PDZRN3: variants seen among roughly 807,000 people sequenced by gnomAD.
PDZRN3 encodes the protein E3 ubiquitin-protein ligase PDZRN3.
A neutral mutation model predicts 85.7 loss-of-function variants in PDZRN3; 38 were observed. That is an observed-to-expected ratio of 0.44 (90% CI 0.34 to 0.58). The LOEUF is 0.58. Ranked by LOEUF, PDZRN3 falls within the 20% of genes least tolerant of loss-of-function variation. The pLI is 0.01. For synonymous variants in PDZRN3, 759 were observed against 638.0 expected, an observed-to-expected ratio of 1.19 and a Z score of -2.86; for missense variants, 1,629 against 1,506.4, an observed-to-expected ratio of 1.08 and a Z score of -1.35.
At chr3:73,424,864 G>A (rs1183735637) in intron 3 of PDZRN3, among the ~76,000 whole-genome samples, 4 of 152,146 alleles carry the variant, frequency 2.6e-5, no homozygotes, top group Non-Finnish European at 5.9e-5. Context: ...GGAAAACTAA[G>A]AAGTCAGACA....
In PDZRN3 at chr3:73,602,544, ATTGACTC is replaced by A. The variant is rs1337246197; in HGVS notation, c.811-90_811-84del. The A allele has an allele frequency of 8.1e-6, 6 of 740,232 alleles. No individual in the cohort carries two copies. The East Asian group carries it at 1.5e-4, about 18-fold the overall frequency. 45.9% of individuals were successfully genotyped at this position (740,232 alleles called of 1,614,324 possible). A position where few individuals can be genotyped will look rare whatever the true frequency, so the allele number is the denominator to read the frequency against. ...TAAAGCTTGCACTCTTAAAACAGTAATTGACTCTTGCTGTGTCAAGAGTGGCAATAGG... is the reference window on the plus strand; with the variant it reads ...TAAAGCTTGCACTCTTAAAACAGTAATTGCTGTGTCAAGAGTGGCAATAGG... On this transcript the variant is annotated intron_variant, in intron 2 of 9. Transcript: ENST00000263666.
chr3:73,421,924 G>A (rs1575641836), intron 3 of PDZRN3, among the ~76,000 whole-genome samples: 1 of 152,206 alleles, frequency 6.6e-6, no homozygotes, highest in African/African-American at 2.4e-5. Context: ...TGGGATTACA[G>A]GCGTGAGCCA....
At chr3:73,435,791 A>G (rs1017810846) in intron 3 of PDZRN3, among the ~76,000 whole-genome samples, 2 of 152,104 alleles carry the variant, frequency 1.3e-5, no homozygotes, top group African/African-American at 4.8e-5. Context: ...CACAGTTGCC[A>G]GGCTGGTCTT....
At chr3:73,463,057 G>A (rs1168484877) in intron 3 of PDZRN3, among the ~76,000 whole-genome samples, 1 of 152,146 alleles carries the variant, frequency 6.6e-6, no homozygotes, top group East Asian at 1.9e-4. Context: ...GAGATGCTAG[G>A]ACAAAGTGTT....
At position 73,385,750 on chromosome 3, in the gene PDZRN3, G is replaced by C. The variant is rs1701365969; in HGVS notation, c.1554C>G (p.Asp518Glu). ...TGTCCATGTGCAGGTCATCCAGAAA[G>C]TCGTTCCTGTCATCATCCATCCAGC... ...DEGWMDDDRN[D>E]FLDDLHMDML... Residue 518 changes from aspartate to glutamate, a missense_variant, in exon 9 of 10, where the codon GAC becomes GAG. By Grantham distance (45) the Asp-to-Glu change is conservative. Coordinates refer to ENST00000263666, the MANE Select transcript of PDZRN3 (RefSeq NM_015009.3). 6.2e-7 allele frequency: 1 copy of C among 1,613,768 alleles called. No individual in the cohort carries two copies. The highest frequency in any genetic ancestry group is 8.5e-7 in the Non-Finnish European group (1 of 1,179,674).
intron 3 of PDZRN3, among the ~76,000 whole-genome samples, chr3:73,572,715 A>C (rs2106853618): frequency 6.6e-6 from 1 of 152,340 alleles, no homozygotes; most frequent in South Asian, 2.1e-4. Context: ...TACTCAGAGA[A>C]ATAATTACAT....
chr3:73,497,554 T>C (rs1703888976), intron 3 of PDZRN3, among the ~76,000 whole-genome samples: 1 of 152,226 alleles, frequency 6.6e-6, no homozygotes, highest in Admixed American at 6.5e-5. Flanking sequence ...GAATTAAAGG[T>C]GATTATTGCC....
intron 3 of PDZRN3, among the ~76,000 whole-genome samples, chr3:73,556,012 G>T (rs1701687025): frequency 6.6e-6 from 1 of 152,132 alleles, no homozygotes; most frequent in African/African-American, 2.4e-5. Flanking sequence ...ATTCATAAGA[G>T]AAAATTCCTA....
At chr3:73,423,461 C>A (rs1241689655) in intron 3 of PDZRN3, among the ~76,000 whole-genome samples, 1 of 152,204 alleles carries the variant, frequency 6.6e-6, no homozygotes, top group South Asian at 2.1e-4. Context: ...TGGTTTAGTG[C>A]TGTGAATAGT....
chr3:73,495,087 C>T lies in PDZRN3; in HGVS notation c.919-90692G>A, dbSNP rs115494239. On this transcript the variant is annotated intron_variant, in intron 3 of 9. Transcript: ENST00000263666. Reference sequence around the variant, plus strand: ...GGGGTATTACTCACTATGTGGGTGACGGGATCAAGCATACCCCAAACCTCA... The same window carrying T: ...GGGGTATTACTCACTATGTGGGTGATGGGATCAAGCATACCCCAAACCTCA... Among the ~76,000 whole-genome samples the T allele has an allele frequency of 1.5e-3, 228 of 152,230 alleles. 2 individuals carry two copies. The highest frequency in any genetic ancestry group is 2.8e-3 in the Admixed American group (43 of 15,278).
At chr3:73,477,441 A>G (rs1325953801) in intron 3 of PDZRN3, among the ~76,000 whole-genome samples, 2 of 152,218 alleles carry the variant, frequency 1.3e-5, no homozygotes, top group African/African-American at 2.4e-5. Flanking sequence ...AGTGAGACAG[A>G]TAATTCCTGG....
At chr3:73,588,074 T>A (rs1170100205) in intron 3 of PDZRN3, among the ~76,000 whole-genome samples, 6 of 152,164 alleles carry the variant, frequency 3.9e-5, no homozygotes, top group African/African-American at 1.4e-4. Context: ...GTCCTCTAAG[T>A]TCCCTCCCCT....
chr3:73,401,200 G>C, intron 4 of PDZRN3, 191 bp from the exon 5 acceptor site: 1 of 536,418 alleles, frequency 1.9e-6, no homozygotes, highest in Non-Finnish European at 3.4e-6. Context: ...TTTGCCTTTA[G>C]TACATTTCCT....
intron 3 of PDZRN3, among the ~76,000 whole-genome samples, chr3:73,590,591 A>C (rs1018778286): frequency 1.3e-5 from 2 of 152,184 alleles, no homozygotes; most frequent in African/African-American, 4.8e-5. Flanking sequence ...TCTTTTTTCT[A>C]GTTTTCAAAT....
At chr3:73,404,060 C>T in intron 4 of PDZRN3, 88 bp downstream of exon 4, 1 of 1,277,048 alleles carries the variant, frequency 7.8e-7, no homozygotes, top group Non-Finnish European at 1.1e-6. Context: ...CTATAGGGTG[C>T]ATTAATTTTT....
Position 73,527,317 on chromosome 3 carries a change from C to A in PDZRN3, c.918+75037G>T, listed in dbSNP as rs556906133. ...CCTATCCTCCGCATAGGATATGAAC[C>A]AGTAAATGGTTTTTAAGGCCACAAG... On this transcript the variant is annotated intron_variant, in intron 3 of 9. Transcript: ENST00000263666. 2.0e-5 allele frequency among the ~76,000 whole-genome samples: 3 copies of A among 152,026 alleles called. No homozygotes were observed. In the South Asian group the frequency reaches 6.2e-4, roughly 32 times the overall value.
chr3:73,438,396 T>C (rs1299034482), intron 3 of PDZRN3, among the ~76,000 whole-genome samples: 4 of 152,248 alleles, frequency 2.6e-5, no homozygotes. Flanking sequence ...CTGATTGGAT[T>C]GTCTATTTGC....
chr3:73,469,499 C>T (rs183622141), intron 3 of PDZRN3, among the ~76,000 whole-genome samples: 16 of 152,308 alleles, frequency 1.1e-4, no homozygotes, highest in African/African-American at 3.8e-4. Flanking sequence ...GGGGATGGCT[C>T]TGCTTTTAGT....
intron 3 of PDZRN3, among the ~76,000 whole-genome samples, chr3:73,553,488 A>AT (rs1701613780): frequency 6.6e-6 from 1 of 152,028 alleles, no homozygotes; most frequent in African/African-American, 2.4e-5. Context: ...AGGCAGGAGA[A>AT]TCGCTTGAAC....
Sources: allele counts gnomAD v4.1 joint callset (sites outside exome capture counted in the v4.1 genomes callset), GRCh38; gene constraint gnomAD v4.1.1; transcripts MANE v1.5; gene names NCBI Gene and HGNC (gene_info 2026-07-23, HGNC 2026-07-21).